The following PLG variants were observed in gnomAD, a reference collection of about 807,000 sequenced individuals.
The protein encoded by PLG is plasminogen.
PLG carries 41 observed loss-of-function variants against 104.4 expected under a neutral mutation model. The observed-to-expected ratio is 0.39, with a 90% CI of 0.31 to 0.51. The LOEUF is 0.51. Ranked by LOEUF, PLG falls within the 20% of genes least tolerant of loss-of-function variation. The probability of loss-of-function intolerance (pLI) is 0.76; values close to 1 mark genes in which losing one functional copy is unlikely to be tolerated. For synonymous variants in PLG, 337 were observed against 357.1 expected, an observed-to-expected ratio of 0.94 and a Z score of 0.63; for missense variants, 891 against 1,003.6, an observed-to-expected ratio of 0.89 and a Z score of 1.52.
Position 160,738,594 on chromosome 6 carries a change from C to T in PLG, c.1859C>T (p.Ala620Val). ...ATATCCCCAGAGTGGGTGTTGACTG[C>T]TGCCCACTGCTTGGAGAAGTATGTT... ...TLISPEWVLT[A>V]AHCLEKSPRP... The change falls in exon 15 of 19, where the codon GCT becomes GTT. Residue 620 changes from alanine to valine, a missense_variant. Ala to Val is a moderately conservative substitution (Grantham distance 64). Transcript: ENST00000308192. The surrounding 1 kb of genome is among the most constrained non-coding windows in gnomAD (Gnocchi z 6.8). 6.2e-7 allele frequency: 1 copy of T among 1,605,152 alleles called. No homozygotes were observed. Among genetic ancestry groups the T allele is most frequent in the Non-Finnish European group, 8.5e-7 (1 of 1,171,806 alleles).
Position 160,739,135 on chromosome 6 carries a change from G to C in PLG, c.1945G>C (p.Val649Leu). The change falls in exon 16 of 19, where the codon GTT becomes CTT. Residue 649 changes from valine (V) to leucine (L), a missense_variant. Coordinates refer to ENST00000308192, the MANE Select transcript of PLG (RefSeq NM_000301.5). This position sits in a 1 kb window ranked among gnomAD's most constrained non-coding sequence, Gnocchi z 4.4. Reference protein sequence around the residue: ...AHQEVNLEPHVQEIEVSRLFL... With the variant: ...AHQEVNLEPHLQEIEVSRLFL... ...CCAAGAAGTGAATCTCGAACCGCATGTTCAGGAAATAGAAGTGTCTAGGCT... is the reference window on the plus strand; with the variant it reads ...CCAAGAAGTGAATCTCGAACCGCATCTTCAGGAAATAGAAGTGTCTAGGCT... 6.2e-7 allele frequency: 1 copy of C among 1,614,150 alleles called. No homozygotes were observed. The highest frequency in any genetic ancestry group is 1.7e-5 in the Admixed American group (1 of 60,022).
rs1778417425 is a variant in PLG, at chr6:160,752,308, C to T, written c.2271+48C>T. 3 of 1,562,448 alleles carry T rather than the reference C, an allele frequency of 1.9e-6. No individual in the cohort carries two copies. In the African/African-American group the frequency reaches 4.1e-5, roughly 21 times the overall value. ...AAGTTAGTCTTGTGCTCTCTTGTCTCAGTCTCAGCCCCTCAGACTTCATTC... is the reference window on the plus strand; with the variant it reads ...AAGTTAGTCTTGTGCTCTCTTGTCTTAGTCTCAGCCCCTCAGACTTCATTC... On this transcript the variant is annotated intron_variant, in intron 18 of 18. Coordinates refer to ENST00000308192, the MANE Select transcript of PLG (RefSeq NM_000301.5). The surrounding 1 kb of genome is among the most constrained non-coding windows in gnomAD (Gnocchi z 4.7).
At chr6:160,713,742 C>T (rs1193136762) in intron 5 of PLG, among the ~76,000 whole-genome samples, 1 of 152,078 alleles carries the variant, frequency 6.6e-6, no homozygotes, top group African/African-American at 2.4e-5. Flanking sequence ...ATCAAATAAA[C>T]AATATATATT....
rs756696418 is a variant in PLG at position 160,702,329 on chromosome 6, C to T, written c.25C>T (p.Leu9=). 1.2e-6 allele frequency: 2 copies of T among 1,609,400 alleles called. No homozygotes were observed. The highest frequency in any genetic ancestry group is 1.7e-6 in the Non-Finnish European group (2 of 1,179,410). The change falls in exon 1 of 19, where the codon CTA becomes TTA. Residue 9 remains leucine, a synonymous_variant. Coordinates refer to ENST00000308192, the MANE Select transcript of PLG (RefSeq NM_000301.5). ...AATGGAACATAAGGAAGTGGTTCTT[C>T]TACTTCTTTTATTTCTGAAATCAGG... MEHKEVVL[L]LLLFLKSGQG...
In PLG at chr6:160,740,018, C is replaced by T. The variant is rs1778161763; in HGVS notation, c.2018+810C>T. Among the ~76,000 whole-genome samples, 1 of 152,084 alleles carries T rather than the reference C, an allele frequency of 6.6e-6. No individual in the cohort carries two copies. Among genetic ancestry groups the T allele is most frequent in the Admixed American group, 6.5e-5 (1 of 15,274 alleles). The stretch of plus-strand genomic sequence containing the variant: ...AAGAAACAGCTATTTGTAGGAGAAG[C>T]AGGTTTGGGACAGGTGACAAGGCAC... On this transcript the variant is annotated intron_variant, in intron 16 of 18. Coordinates refer to ENST00000308192, the MANE Select transcript of PLG (RefSeq NM_000301.5). The surrounding 1 kb of genome is among the most constrained non-coding windows in gnomAD (Gnocchi z 5.2).
chr6:160,725,004 C>T lies in PLG; in HGVS notation c.1256+2437C>T, dbSNP rs769976828. On this transcript the variant is annotated intron_variant, in intron 10 of 18. Coordinates refer to ENST00000308192, the MANE Select transcript of PLG (RefSeq NM_000301.5). This position sits in a 1 kb window ranked among gnomAD's most constrained non-coding sequence, Gnocchi z 6.3. Reference sequence around the variant, plus strand: ...GGCTGAGTCGGGCAGATCATGGGGTCAGGAGTTTGAGACCAGCCTGACCAA... The same window carrying T: ...GGCTGAGTCGGGCAGATCATGGGGTTAGGAGTTTGAGACCAGCCTGACCAA... Among the ~76,000 whole-genome samples, 1 of 152,106 alleles carries T rather than the reference C, an allele frequency of 6.6e-6. No homozygotes were observed. Among genetic ancestry groups the T allele is most frequent in the Non-Finnish European group, 1.5e-5 (1 of 68,018 alleles).
In PLG at chr6:160,706,449, C is replaced by A; in HGVS notation, c.92C>A (p.Ala31Asp). 1.2e-6 allele frequency: 2 copies of A among 1,613,580 alleles called. No individual in the cohort carries two copies. Residue 31 changes from alanine to aspartate, a missense_variant, in exon 2 of 19, where the codon GCT becomes GAT. Physicochemically the swap from Ala to Asp is moderately radical, Grantham distance 126. Coordinates refer to ENST00000308192, the MANE Select transcript of PLG (RefSeq NM_000301.5). ...PLDDYVNTQG[A>D]SLFSVTKKQL... ...GATGACTATGTGAATACCCAGGGGG[C>A]TTCACTGTTCAGTGTCACTAAGAAG...
rs756584515 is a variant in PLG, at chr6:160,736,850, G to A, written c.1682-37G>A. ...AATTACACCACAAAATTGCTACCTT[G>A]TCTCAAATGGGATTTCTTTCCCACC... On this transcript the variant is annotated intron_variant, in intron 13 of 18. Transcript: ENST00000308192. The surrounding 1 kb of genome is among the most constrained non-coding windows in gnomAD (Gnocchi z 5.2). 72 of 1,612,242 alleles carry A rather than the reference G, an allele frequency of 4.5e-5. 2 individuals carry two copies. In the South Asian group the frequency reaches 7.8e-4, roughly 17 times the overall value.
intron 17 of PLG, among the ~76,000 whole-genome samples, chr6:160,748,170 T>A (rs1265867822): frequency 6.6e-6 from 1 of 151,228 alleles, no homozygotes; most frequent in South Asian, 2.1e-4. Flanking sequence ...CCGGGTGTGG[T>A]AGCACACCCC....
chr6:160,702,986 T>C (rs1442325164), intron 1 of PLG, among the ~76,000 whole-genome samples: 1 of 152,198 alleles, frequency 6.6e-6, no homozygotes, highest in Non-Finnish European at 1.5e-5. Flanking sequence ...CATACATACC[T>C]GTGTGTGAAT....
At chr6:160,748,388 G>GAAAGA (rs1778323064) in intron 17 of PLG, among the ~76,000 whole-genome samples, 1 of 47,298 alleles carries the variant, frequency 2.1e-5, no homozygotes, top group Non-Finnish European at 4.2e-5. Flanking sequence ...AAGAAAGAAA[G>GAAAGA]AAAGAAAGAA....
At chr6:160,716,614 A>G in intron 6 of PLG, 31 bp from the exon 7 acceptor site, 1 of 1,190,040 alleles carries the variant, frequency 8.4e-7, no homozygotes, top group South Asian at 1.2e-5. Flanking sequence ...GTAAATGTTC[A>G]GTGCTACTAA....
chr6:160,718,517 T>G, intron 8 of PLG, 61 bp downstream of exon 8: 1 of 1,453,202 alleles, frequency 6.9e-7, no homozygotes, highest in South Asian at 1.1e-5. Flanking sequence ...GACTTTGCCT[T>G]AGTTTTAGTT....
In PLG at chr6:160,734,042, G is replaced by A. The variant is rs370774291; in HGVS notation, c.1635G>A (p.Thr545=). The part of the protein sequence containing the change: ...DGDVGGPWCY[T]TNPRKLYDYC... The stretch of plus-strand genomic sequence containing the variant: ...ATGTAGGTGGTCCCTGGTGCTACAC[G>A]ACAAATCCAAGAAAACTTTACGACT... The change falls in exon 13 of 19, where the codon ACG becomes ACA. Residue 545 remains threonine, a synonymous_variant. Coordinates refer to ENST00000308192, the MANE Select transcript of PLG (RefSeq NM_000301.5). This position sits in a 1 kb window ranked among gnomAD's most constrained non-coding sequence, Gnocchi z 4.4. 13 of 1,611,790 alleles carry A rather than the reference G, an allele frequency of 8.1e-6. No individual in the cohort carries two copies. The highest frequency in any genetic ancestry group is 3.3e-5 in the Admixed American group (2 of 59,964).
rs771334369 is a variant in PLG, at chr6:160,718,468, C to A, written c.950+12C>A. 6.2e-7 allele frequency: 1 copy of A among 1,602,748 alleles called. No homozygotes were observed. The highest frequency in any genetic ancestry group is 1.1e-5 in the South Asian group (1 of 90,828). On this transcript the variant is annotated intron_variant, in intron 8 of 18. Transcript: ENST00000308192. ...AACTTCCCCTGCAAGTAAGTCCCCT[C>A]CGGTCTCATTCTGCTGCTATGGAAT... is the stretch of plus-strand genomic sequence containing the variant.
chr6:160,708,838 T>C (rs145409512), intron 3 of PLG, among the ~76,000 whole-genome samples: 190 of 152,328 alleles, frequency 1.2e-3, no homozygotes, highest in African/African-American at 4.4e-3. Context: ...CTTCCTTCCT[T>C]ACCACTATTT....
rs574647595 is a variant in PLG, at chr6:160,724,055, C to T, written c.1256+1488C>T. Among the ~76,000 whole-genome samples the T allele has an allele frequency of 6.6e-6, 1 of 152,322 alleles. No homozygotes were observed. Among genetic ancestry groups the T allele is most frequent in the East Asian group, 1.9e-4 (1 of 5,186 alleles). On this transcript the variant is annotated intron_variant, in intron 10 of 18. Coordinates refer to ENST00000308192, the MANE Select transcript of PLG (RefSeq NM_000301.5). The surrounding 1 kb of genome is among the most constrained non-coding windows in gnomAD (Gnocchi z 5.0). ...AAAATCAAGTTGCTCAGTTATGTGG[C>T]ATCCACAATGTGTGACCTAAATTTA...
Position 160,723,141 on chromosome 6 carries a change from A to T in PLG, c.1256+574A>T, listed in dbSNP as rs1199546389. On this transcript the variant is annotated intron_variant, in intron 10 of 18. Transcript: ENST00000308192. This position sits in a 1 kb window ranked among gnomAD's most constrained non-coding sequence, Gnocchi z 4.7. ...TGTGTGTATATATATGTACACATAT[A>T]TGTGTGTATATTAGAATATATATAA... 6.6e-6 allele frequency among the ~76,000 whole-genome samples: 1 copy of T among 150,828 alleles called. No individual in the cohort carries two copies. Among genetic ancestry groups the T allele is most frequent in the Non-Finnish European group, 1.5e-5 (1 of 67,824 alleles).
chr6:160,733,522 C>T (rs1778035280), intron 12 of PLG, among the ~76,000 whole-genome samples: 1 of 144,322 alleles, frequency 6.9e-6, no homozygotes, highest in South Asian at 2.1e-4. Context: ...AATAACTTTG[C>T]CAAAATAATA....
Sources: allele counts gnomAD v4.1 joint callset (sites outside exome capture counted in the v4.1 genomes callset), GRCh38; gene constraint gnomAD v4.1.1; non-coding constraint Gnocchi (gnomAD v3.1); transcripts MANE v1.5; gene names NCBI Gene and HGNC (gene_info 2026-07-23, HGNC 2026-07-21).